ZC3H12B: variants seen among roughly 807,000 people sequenced by gnomAD.
ZC3H12B encodes the protein probable ribonuclease ZC3H12B.
ZC3H12B carries 7 observed loss-of-function variants against 43.9 expected under a neutral mutation model. The ratio of observed to expected loss-of-function variants is 0.16; its 90% CI spans 0.09 to 0.30. The LOEUF (loss-of-function observed/expected upper bound fraction) is 0.30. ZC3H12B is among the 10% of genes least tolerant of loss of function. ZC3H12B has a pLI of 1.00. For missense variants in ZC3H12B, 475 were observed against 670.2 expected (o/e 0.71, Z 3.22); for synonymous variants, 222 against 241.7 (o/e 0.92, Z 0.76).
the ZC3H12B span, chrX:65,357,604 CA>C: frequency 6.2e-5 from 7 of 112,298 alleles, no homozygotes; most frequent in African/African-American, 2.3e-4. Flanking sequence ...GCTTCATAAG[CA>C]AAGGAGAAAT....
the ZC3H12B span, among the ~76,000 whole-genome samples, chrX:65,300,259 G>A: frequency 7.1e-5 from 8 of 112,065 alleles, no homozygotes; most frequent in African/African-American, 2.3e-4. Flanking sequence ...TCAGCTGGAG[G>A]GCTTGTAGCC....
intron 3 of ZC3H12B, among the ~76,000 whole-genome samples, chrX:65,482,543 A>G (rs778738887): frequency 1.3e-4 from 15 of 112,261 alleles, no homozygotes; most frequent in African/African-American, 4.8e-4. Context: ...TGAATTTGAA[A>G]TGATCTTTTC....
the ZC3H12B span, among the ~76,000 whole-genome samples, chrX:65,207,802 C>T: frequency 1.7e-5 from 1 of 60,477 alleles, no homozygotes; most frequent in African/African-American, 6.9e-5. Context: ...ATTCTTCCTA[C>T]CCATGAGCAT....
the ZC3H12B span, among the ~76,000 whole-genome samples, chrX:65,354,936 A>T: frequency 2.7e-5 from 3 of 112,004 alleles, no homozygotes; most frequent in Admixed American, 2.8e-4. Flanking sequence ...GGAATGAACA[A>T]AGCCTCCAAG....
chrX:65,272,040 C>T, the ZC3H12B span: 2 of 109,090 alleles, frequency 1.8e-5, no homozygotes, highest in African/African-American at 3.4e-5. Flanking sequence ...CGGTGAAATC[C>T]CGTCTCTACT....
In ZC3H12B at chrX:65,499,249, G is replaced by A. The variant is rs902199703; in HGVS notation, c.983+16G>A. 21 of 1,101,572 alleles carry A rather than the reference G, an allele frequency of 1.9e-5. No homozygotes were observed. The highest frequency in any genetic ancestry group is 2.5e-5 in the Non-Finnish European group (20 of 800,865). The allele number at this position is 1,101,572 out of a possible 1,213,427, so 90.8% of individuals were successfully genotyped here. A position where few individuals can be genotyped will look rare whatever the true frequency, so the allele number is the denominator to read the frequency against. ...TGAATGACAAGTGCGTTTCTTTCCA[G>A]TAGGCCTATATCCAAGTTATCAGTA... On this transcript the variant is annotated intron_variant, in intron 3 of 4. Coordinates refer to ENST00000338957, the Ensembl canonical transcript of ZC3H12B.
chrX:65,394,911 T>C (rs2066675984), intron 2 of ZC3H12B, among the ~76,000 whole-genome samples: 1 of 111,574 alleles, frequency 9.0e-6, no homozygotes, highest in African/African-American at 3.3e-5. Context: ...CTTGAAGAGG[T>C]CCTTCAGGTC....
chrX:65,282,421 AGCCAGAGCAATAAG>A, the ZC3H12B span, among the ~76,000 whole-genome samples: 1 of 112,348 alleles, frequency 8.9e-6, no homozygotes. Flanking sequence ...TGGAAGTCCT[AGCCAGAGCAATAAG>A]GCAACGTAGA....
chrX:65,296,353 A>T, the ZC3H12B span, among the ~76,000 whole-genome samples: 1 of 111,002 alleles, frequency 9.0e-6, no homozygotes, highest in Non-Finnish European at 1.9e-5. Flanking sequence ...GGACTCGGGG[A>T]AAGGGCAGAG....
chrX:65,146,630 G>C, the ZC3H12B span, among the ~76,000 whole-genome samples: 1 of 111,615 alleles, frequency 9.0e-6, no homozygotes, highest in Non-Finnish European at 1.9e-5. Flanking sequence ...CTGTTATTCA[G>C]ATTCTTTTGT....
At chrX:65,238,880 G>T in the ZC3H12B span, among the ~76,000 whole-genome samples, 459 of 111,996 alleles carry the variant, frequency 4.1e-3, 2 homozygotes, top group Non-Finnish European at 7.3e-3. Flanking sequence ...CAATCTTCAT[G>T]TAGTTGTTTG....
the ZC3H12B span, among the ~76,000 whole-genome samples, chrX:65,268,825 T>C: frequency 8.9e-6 from 1 of 111,926 alleles, no homozygotes; most frequent in Non-Finnish European, 1.9e-5. Flanking sequence ...CACTAGGATA[T>C]AATACAAGGC....
Position 65,482,954 on chromosome X carries a change from A to G in ZC3H12B, n.408-5692A>G, listed in dbSNP as rs143119882. The stretch of plus-strand genomic sequence containing the variant: ...TAAACATTTTGTCTAAAGCTTCAAC[A>G]TTTGGTGTGGGAGTGGGAGGACAAG... On this transcript the variant is annotated intron_variant and non_coding_transcript_variant, in intron 3 of 5. Transcript: ENST00000617377. Among the ~76,000 whole-genome samples, 1,160 of 111,983 alleles carry G rather than the reference A, an allele frequency of 0.01. 53 individuals are homozygous for G. In the East Asian group the frequency reaches 0.2, roughly 19 times the overall value.
intron 3 of ZC3H12B, among the ~76,000 whole-genome samples, chrX:65,455,590 A>G (rs1026206613): frequency 1.8e-5 from 2 of 112,058 alleles, no homozygotes; most frequent in Non-Finnish European, 3.8e-5. Context: ...CAATCTAGCA[A>G]GGCAGGCCAA....
At chrX:65,055,049 C>T in the ZC3H12B span, among the ~76,000 whole-genome samples, 1 of 111,398 alleles carries the variant, frequency 9.0e-6, no homozygotes, top group South Asian at 3.8e-4. Flanking sequence ...AATTTAACTT[C>T]CTCTTTTCCT....
chrX:65,334,732 C>G, the ZC3H12B span, among the ~76,000 whole-genome samples: 1 of 111,519 alleles, frequency 9.0e-6, no homozygotes, highest in Non-Finnish European at 1.9e-5. Flanking sequence ...GCCAGTTTCT[C>G]TGACCTAATA....
chrX:65,223,850 G>A, the ZC3H12B span, among the ~76,000 whole-genome samples: 1 of 112,168 alleles, frequency 8.9e-6, no homozygotes, highest in Non-Finnish European at 1.9e-5. Flanking sequence ...ATATGATGAT[G>A]AGGGAATGTA....
At chrX:65,128,721 C>G in the ZC3H12B span, among the ~76,000 whole-genome samples, 1 of 112,106 alleles carries the variant, frequency 8.9e-6, no homozygotes, top group Non-Finnish European at 1.9e-5. Flanking sequence ...TTCACACATT[C>G]TAAAGCTCTA....
the ZC3H12B span, among the ~76,000 whole-genome samples, chrX:65,205,823 T>A: frequency 1.8e-5 from 2 of 111,912 alleles, no homozygotes; most frequent in African/African-American, 6.5e-5. Context: ...CAGCAAAGTT[T>A]CTGCATACAA....
Sources: allele counts gnomAD v4.1 joint callset (sites outside exome capture counted in the v4.1 genomes callset), GRCh38; gene constraint gnomAD v4.1.1; transcripts MANE v1.5; gene names NCBI Gene and HGNC (gene_info 2026-07-23, HGNC 2026-07-21).